Variants in ABI2 observed in about 807,000 individuals in gnomAD.
ABI2 encodes the protein abelson interactor 2.
ABI2 carries 25 observed loss-of-function variants against 59.2 expected under a neutral mutation model. The observed-to-expected ratio is 0.42, with a 90% CI of 0.31 to 0.59. ABI2 has a LOEUF of 0.59. ABI2 is among the 20% of genes least tolerant of loss of function. ABI2 has a pLI of 0.14. For synonymous variants in ABI2, 213 were observed against 235.5 expected (o/e 0.90, Z 0.87); for missense variants, 545 against 681.8 (o/e 0.80, Z 2.23).
chr2:203,405,241 A>G (rs1434532892), intron 9 of ABI2, among the ~76,000 whole-genome samples: 1 of 152,194 alleles, frequency 6.6e-6, no homozygotes, highest in African/African-American at 2.4e-5. Flanking sequence ...TGGCCACAGC[A>G]TTGTTAGTTG....
chr2:203,370,228 T>TCTCTC (rs2095020294), intron 2 of ABI2, among the ~76,000 whole-genome samples: 4 of 117,522 alleles, frequency 3.4e-5, no homozygotes, highest in African/African-American at 1.3e-4. Flanking sequence ...CTCTCTCTCT[T>TCTCTC]TCTGTGTGTA....
chr2:203,400,816 C>G (rs1484993048), intron 8 of ABI2, among the ~76,000 whole-genome samples: 1 of 152,056 alleles, frequency 6.6e-6, no homozygotes, highest in Non-Finnish European at 1.5e-5. Context: ...TTGTTTTCCT[C>G]TAATACTTTT....
At chr2:203,387,481 GTGTT>G (rs1430019900) in intron 4 of ABI2, among the ~76,000 whole-genome samples, 2 of 152,200 alleles carry the variant, frequency 1.3e-5, no homozygotes, top group African/African-American at 4.8e-5. Flanking sequence ...TATTGGGAAA[GTGTT>G]TGAGCTGTGG....
chr2:203,403,465 C>G (rs546498543), intron 9 of ABI2: 1 of 154,622 alleles, frequency 6.5e-6, no homozygotes, highest in South Asian at 2.1e-4. Flanking sequence ...TTTTGATAAG[C>G]CTTGAATTTT....
At chr2:203,404,277 C>T (rs922081871) in intron 9 of ABI2, among the ~76,000 whole-genome samples, 3 of 152,160 alleles carry the variant, frequency 2.0e-5, no homozygotes, top group East Asian at 3.9e-4. Flanking sequence ...TTTCCAAATC[C>T]CTTCACTGTT....
intron 1 of ABI2, among the ~76,000 whole-genome samples, chr2:203,366,005 A>G (rs1032627849): frequency 6.6e-6 from 1 of 151,790 alleles, no homozygotes; most frequent in African/African-American, 2.4e-5. Context: ...AAATTTTTTT[A>G]CTTTTTGTGT....
At chr2:203,407,967 G>C (rs966952469) in intron 9 of ABI2, among the ~76,000 whole-genome samples, 1 of 152,184 alleles carries the variant, frequency 6.6e-6, no homozygotes, top group Non-Finnish European at 1.5e-5. Context: ...AGAAAATGAT[G>C]TGGTATCTGA....
chr2:203,330,025 C>T (rs1176785978), intron 1 of ABI2, among the ~76,000 whole-genome samples: 2 of 152,106 alleles, frequency 1.3e-5, no homozygotes, highest in Non-Finnish European at 2.9e-5. Context: ...GCGTGAGGCA[C>T]CTTTCTTAAC....
chr2:203,397,823 A>C (rs931133762), intron 8 of ABI2, among the ~76,000 whole-genome samples: 1 of 152,214 alleles, frequency 6.6e-6, no homozygotes, highest in African/African-American at 2.4e-5. Flanking sequence ...TGGCCAGAGT[A>C]GGAGCAAGAG....
Position 203,394,864 on chromosome 2 carries a change from G to C in ABI2, c.725+18G>C, listed in dbSNP as rs778386215. 1.9e-5 allele frequency: 30 copies of C among 1,612,770 alleles called. No homozygotes were observed. Among genetic ancestry groups the C allele is most frequent in the African/African-American group, 4.0e-5 (3 of 74,872 alleles). On this transcript the variant is annotated intron_variant, in intron 6 of 11. Coordinates refer to ENST00000261018, the MANE Select transcript of ABI2 (RefSeq NM_001375670.1). ...ACTTACAGGTATTTTCTCTACCTCA[G>C]TGCAAAATGTGATGGTCATAGTACC...
At chr2:203,358,071 T>TTTTGTGTGTGTG (rs2092624871) in intron 1 of ABI2, among the ~76,000 whole-genome samples, 1 of 128,782 alleles carries the variant, frequency 7.8e-6, no homozygotes, top group Non-Finnish European at 1.6e-5. Flanking sequence ...CCTGGCCTGT[T>TTTTGTGTGTGTG]TGTGTGTGTG....
At chr2:203,426,804 A>C (rs892989845) in intron 11 of ABI2, among the ~76,000 whole-genome samples, 30 of 128,464 alleles carry the variant, frequency 2.3e-4, no homozygotes, top group Non-Finnish European at 2.7e-4. Context: ...AAAAAAAAAA[A>C]CCACAATATG....
chr2:203,351,105 G>A (rs1166268594), intron 1 of ABI2, among the ~76,000 whole-genome samples: 1 of 152,070 alleles, frequency 6.6e-6, no homozygotes, highest in East Asian at 1.9e-4. Flanking sequence ...TTGTTTAAAA[G>A]CCTTTTCTTT....
chr2:203,370,579 C>T (rs746243080), intron 2 of ABI2, among the ~76,000 whole-genome samples: 7 of 152,160 alleles, frequency 4.6e-5, no homozygotes, highest in Non-Finnish European at 8.8e-5. Context: ...AGTTTGCCAG[C>T]CCCTGCTCTA....
At chr2:203,413,456 C>T (rs913145736) in intron 10 of ABI2, among the ~76,000 whole-genome samples, 5 of 152,152 alleles carry the variant, frequency 3.3e-5, no homozygotes, top group Non-Finnish European at 5.9e-5. Context: ...AAGTAGATGA[C>T]TGCAAAACAT....
At chr2:203,415,454 A>G (rs1231330393) in intron 10 of ABI2, among the ~76,000 whole-genome samples, 1 of 151,974 alleles carries the variant, frequency 6.6e-6, no homozygotes, top group Non-Finnish European at 1.5e-5. Flanking sequence ...CATCTCTACT[A>G]AAAATACAAA....
At chr2:203,400,161 C>T (rs1260032715) in intron 8 of ABI2, among the ~76,000 whole-genome samples, 2 of 139,662 alleles carry the variant, frequency 1.4e-5, no homozygotes, top group African/African-American at 2.6e-5. Context: ...AATCTCGGCC[C>T]ACTGCAATCT....
rs752410908 is a variant in ABI2, at chr2:203,396,850, G to T, written c.916G>T (p.Val306Phe). The change falls in exon 8 of 12, where the codon GTT (valine) becomes TTT (phenylalanine). Residue 306 changes from valine (V) to phenylalanine (F), a missense_variant. By Grantham distance (50) the Val-to-Phe change is conservative (BLOSUM62 -1). Transcript: ENST00000261018. ...ATSASAPAPLVPATVPSSTAP... is the reference protein window; with the variant it reads ...ATSASAPAPLFPATVPSSTAP... ...TTCTGCATCTGCCCCTGCTCCTCTT[G>T]TTCCTGCTACTGTCCCTTCCTCCAC... is the stretch of plus-strand genomic sequence containing the variant. 6 of 1,534,844 alleles carry T rather than the reference G, an allele frequency of 3.9e-6. No individual in the cohort carries two copies. The South Asian group carries it at 7.2e-5, about 18-fold the overall frequency.
At chr2:203,377,792 G>C (rs1287142170) in intron 2 of ABI2, among the ~76,000 whole-genome samples, 1 of 152,172 alleles carries the variant, frequency 6.6e-6, no homozygotes, top group Non-Finnish European at 1.5e-5. Context: ...TGTAGTCCCA[G>C]CTCCTTAGGA....
Sources: allele counts gnomAD v4.1 joint callset (sites outside exome capture counted in the v4.1 genomes callset), GRCh38; gene constraint gnomAD v4.1.1; transcripts MANE v1.5; gene names NCBI Gene and HGNC (gene_info 2026-07-23, HGNC 2026-07-21).